Variants in EXOC2 observed in about 807,000 individuals in gnomAD.
The protein encoded by EXOC2 is exocyst complex component 2, also known as SEC5-like 1.
A neutral mutation model predicts 131.8 loss-of-function variants in EXOC2; 70 were observed. The ratio of observed to expected loss-of-function variants is 0.53; its 90% CI spans 0.44 to 0.65. EXOC2 has a LOEUF of 0.65. EXOC2 is among the 30% of genes least tolerant of loss of function. The pLI is 0.00. For synonymous variants in EXOC2, 411 were observed against 398.4 expected (o/e 1.03, Z -0.38); for missense variants, 923 against 1,108.6 (o/e 0.83, Z 2.38).
At chr6:607,008 G>A (rs902386036) in intron 7 of EXOC2, among the ~76,000 whole-genome samples, 10 of 152,192 alleles carry the variant, frequency 6.6e-5, no homozygotes, top group South Asian at 2.1e-4. Context: ...GGTAACAGAC[G>A]TACAGTGACT....
At chr6:642,350 A>G (rs1210785773) in intron 1 of EXOC2, among the ~76,000 whole-genome samples, 1 of 152,218 alleles carries the variant, frequency 6.6e-6, no homozygotes, top group Non-Finnish European at 1.5e-5. Context: ...GGGATCTGAC[A>G]TGCTCATGTC....
chr6:605,600 T>C (rs1365924006), intron 7 of EXOC2, among the ~76,000 whole-genome samples: 1 of 152,224 alleles, frequency 6.6e-6, no homozygotes, highest in Non-Finnish European at 1.5e-5. Context: ...TCTTTTCTTC[T>C]TTATTAGTCT....
At chr6:524,474 C>T (rs968870518) in intron 23 of EXOC2, among the ~76,000 whole-genome samples, 1 of 152,176 alleles carries the variant, frequency 6.6e-6, no homozygotes, top group Admixed American at 6.5e-5. Context: ...CTTTGATCTG[C>T]TAAAAATAAT....
intron 22 of EXOC2, among the ~76,000 whole-genome samples, chr6:548,039 T>C (rs1364520506): frequency 6.6e-6 from 1 of 152,216 alleles, no homozygotes; most frequent in African/African-American, 2.4e-5. Context: ...TTCATGTCAT[T>C]GTTGTTATAT....
intron 1 of EXOC2, among the ~76,000 whole-genome samples, chr6:690,253 G>A (rs1764856100): frequency 6.6e-6 from 1 of 152,196 alleles, no homozygotes; most frequent in South Asian, 2.1e-4. Context: ...CTACTTGGGA[G>A]GCTGAGGTAG....
At chr6:611,180 A>T (rs1760694722) in intron 6 of EXOC2, among the ~76,000 whole-genome samples, 1 of 152,204 alleles carries the variant, frequency 6.6e-6, no homozygotes, top group Non-Finnish European at 1.5e-5. Context: ...CTGTAAGGAA[A>T]GGAGATGGAC....
intron 1 of EXOC2, among the ~76,000 whole-genome samples, chr6:670,576 T>C (rs1225006006): frequency 6.6e-6 from 1 of 152,164 alleles, no homozygotes; most frequent in Non-Finnish European, 1.5e-5. Context: ...TATGGCAAAT[T>C]AAATCCACAG....
chr6:622,127 C>T (rs139969666), intron 4 of EXOC2, among the ~76,000 whole-genome samples: 5 of 152,320 alleles, frequency 3.3e-5, no homozygotes, highest in South Asian at 2.1e-4. Context: ...ATTAGTAAGG[C>T]GTGTCATCGC....
chr6:668,868 TG>T (rs1225757091), intron 1 of EXOC2, among the ~76,000 whole-genome samples: 20 of 152,220 alleles, frequency 1.3e-4, no homozygotes, highest in African/African-American at 4.1e-4. Flanking sequence ...CAAACTGTAT[TG>T]TTTTTGTTGT....
intron 23 of EXOC2, among the ~76,000 whole-genome samples, chr6:502,705 G>A (rs1165748681): frequency 6.6e-6 from 1 of 152,116 alleles, no homozygotes; most frequent in Non-Finnish European, 1.5e-5. Flanking sequence ...TCCTATTTTG[G>A]GTCGAGCACA....
intron 4 of EXOC2, among the ~76,000 whole-genome samples, chr6:626,893 G>A (rs989331647): frequency 2.6e-5 from 4 of 152,038 alleles, no homozygotes; most frequent in Non-Finnish European, 4.4e-5. Flanking sequence ...ACGCCCGGCC[G>A]CAAACTTTTT....
chr6:570,188 T>C (rs6924199), intron 13 of EXOC2, among the ~76,000 whole-genome samples: 17,160 of 140,408 alleles, frequency 0.12, 1,426 homozygotes, highest in East Asian at 0.45. Flanking sequence ...GGCTGGAGTG[T>C]GGTGGCGCGA....
intron 22 of EXOC2, among the ~76,000 whole-genome samples, chr6:548,172 G>A (rs184437028): frequency 6.0e-4 from 92 of 152,084 alleles, no homozygotes; most frequent in Non-Finnish European, 1.2e-3. Flanking sequence ...CTTAAGTCAC[G>A]ACATTTCTCA....
chr6:529,361 T>A (rs557425431), intron 23 of EXOC2, among the ~76,000 whole-genome samples: 1 of 152,148 alleles, frequency 6.6e-6, no homozygotes, highest in South Asian at 2.1e-4. Flanking sequence ...TAAAGATGCC[T>A]CGCTGTTTGT....
intron 2 of EXOC2, among the ~76,000 whole-genome samples, chr6:637,141 C>T (rs1659595989): frequency 1.0e-5 from 1 of 97,340 alleles, no homozygotes; most frequent in South Asian, 3.4e-4. Context: ...AGCTTAAACT[C>T]CGCTAGAAAA....
intron 9 of EXOC2, 24 bp from the exon 10 acceptor site, chr6:598,147 C>A (rs768522452): frequency 1.9e-6 from 3 of 1,541,302 alleles, no homozygotes; most frequent in Non-Finnish European, 2.7e-6. Context: ...AAAGAATACA[C>A]AAGATTTACA....
chr6:543,391 T>C (rs1202257973), intron 22 of EXOC2, among the ~76,000 whole-genome samples: 2 of 152,150 alleles, frequency 1.3e-5, no homozygotes, highest in Non-Finnish European at 2.9e-5. Flanking sequence ...ATCTCACTTA[T>C]ATGTGGAATC....
At chr6:504,032 C>T (rs1011327752) in intron 23 of EXOC2, among the ~76,000 whole-genome samples, 1 of 152,240 alleles carries the variant, frequency 6.6e-6, no homozygotes, top group Non-Finnish European at 1.5e-5. Flanking sequence ...GAAGCCCGTG[C>T]TGGGACAGGT....
At chr6:661,280 AG>A (rs1474285977) in intron 1 of EXOC2, among the ~76,000 whole-genome samples, 5 of 152,236 alleles carry the variant, frequency 3.3e-5, no homozygotes, top group African/African-American at 1.2e-4. Flanking sequence ...AAATACAAGA[AG>A]CACAAAGAAC....
Sources: gnomAD v4.1 joint callset for allele counts (sites outside exome capture counted in the v4.1 genomes callset) on GRCh38, gnomAD v4.1.1 for gene constraint, MANE v1.5 for transcripts, NCBI Gene and HGNC (gene_info 2026-07-23, HGNC 2026-07-21) for gene names.